The following ECHDC1 variants were observed in gnomAD, a reference collection of about 807,000 sequenced individuals.
The protein encoded by ECHDC1 is ethylmalonyl-CoA decarboxylase.
Under a neutral mutation model 29.7 loss-of-function variants are expected in ECHDC1, and 29 were observed. The observed-to-expected ratio is 0.98, with a 90% CI of 0.73 to 1.33. The LOEUF (loss-of-function observed/expected upper bound fraction) is 1.33, where lower values mean the gene tolerates loss of function less well. Ranked by LOEUF, ECHDC1 falls within the 40% of genes most tolerant of loss-of-function variation. The pLI, the probability that ECHDC1 is intolerant of heterozygous loss-of-function variation, is 0.00. For missense variants in ECHDC1, 328 were observed against 350.0 expected (o/e 0.94, Z 0.50); for synonymous variants, 126 against 123.1 (o/e 1.02, Z -0.15).
chr6:127,337,595 C>T (rs1281221254), intron 1 of ECHDC1, among the ~76,000 whole-genome samples: 1 of 152,186 alleles, frequency 6.6e-6, no homozygotes, highest in South Asian at 2.1e-4. Context: ...CCAAGTTGTA[C>T]CCCAGCCACC....
chr6:127,326,956 T>C (rs1319521584), intron 3 of ECHDC1, 46 bp downstream of exon 3: 1 of 1,578,530 alleles, frequency 6.3e-7, no homozygotes, highest in Non-Finnish European at 8.6e-7. Context: ...GCCATACATG[T>C]CTAATAAACA....
Position 127,290,110 on chromosome 6 carries a change from A to C in ECHDC1, c.665T>G (p.Met222Arg). ...LDSKNALNIG[M>R]VEEVLQSSDE... is the part of the protein sequence containing the mutation. ...TGAAGACTGCAAGACCTCTTCAACCATTCCTATGTTTAGAGCATTTTTTGA... is the reference window on the plus strand; with the variant it reads ...TGAAGACTGCAAGACCTCTTCAACCCTTCCTATGTTTAGAGCATTTTTTGA... The change falls in exon 6 of 6, where the codon ATG becomes AGG. Residue 222 changes from methionine to arginine, a missense_variant. Met to Arg is a moderately conservative substitution (Grantham distance 91, BLOSUM62 -1). Transcript: ENST00000454859. 1 of 1,613,660 alleles carries C rather than the reference A, an allele frequency of 6.2e-7. No homozygotes were observed. The highest frequency in any genetic ancestry group is 1.7e-5 in the Admixed American group (1 of 59,932).
At chr6:127,324,065 G>C (rs1783079811) in intron 3 of ECHDC1, among the ~76,000 whole-genome samples, 1 of 152,090 alleles carries the variant, frequency 6.6e-6, no homozygotes, top group African/African-American at 2.4e-5. Flanking sequence ...AATTCTTGCT[G>C]ATTTTTAATG....
intron 5 of ECHDC1, among the ~76,000 whole-genome samples, chr6:127,292,745 A>G (rs1780300649): frequency 6.6e-6 from 1 of 152,082 alleles, no homozygotes; most frequent in South Asian, 2.1e-4. Context: ...GATAGACCCT[A>G]CAGGATTATA....
intron 5 of ECHDC1, 37 bp from the exon 6 acceptor site, chr6:127,290,314 CTCTG>C: frequency 6.4e-7 from 1 of 1,571,194 alleles, no homozygotes. Flanking sequence ...TTGTAACTCT[CTCTG>C]TATGCTCTAA....
intron 5 of ECHDC1, among the ~76,000 whole-genome samples, chr6:127,300,125 T>C (rs547000111): frequency 6.6e-6 from 1 of 152,330 alleles, no homozygotes; most frequent in South Asian, 2.1e-4. Flanking sequence ...CATTAAGCAA[T>C]ACATGACTGT....
At chr6:127,315,027 C>T (rs940362527) in intron 4 of ECHDC1, 131 bp from the exon 5 acceptor site, 10 of 810,742 alleles carry the variant, frequency 1.2e-5, no homozygotes, top group Admixed American at 6.0e-5. Flanking sequence ...AACAAACACA[C>T]ATCAAAGGAT....
In ECHDC1 at chr6:127,316,442, T is replaced by A. The variant is rs1219929243; in HGVS notation, c.416+8A>T. 3 of 1,598,746 alleles carry A rather than the reference T, an allele frequency of 1.9e-6. No homozygotes were observed. The highest frequency in any genetic ancestry group is 2.6e-6 in the Non-Finnish European group (3 of 1,173,732). On this transcript the variant is annotated splice_region_variant and intron_variant, in intron 4 of 5. Transcript: ENST00000454859. ...AGAAATCATATTTTAAAAAGAAGGCTGCATTACCTCATAAATCTTGTTAAG... is the reference window on the plus strand; with the variant it reads ...AGAAATCATATTTTAAAAAGAAGGCAGCATTACCTCATAAATCTTGTTAAG...
At chr6:127,318,060 C>T (rs1241192757) in intron 3 of ECHDC1, 1 of 152,286 alleles carries the variant, frequency 6.6e-6, no homozygotes, top group East Asian at 1.9e-4. Flanking sequence ...GATAAACCTT[C>T]CTGTAGGATG....
chr6:127,313,072 G>A (rs189909342), intron 5 of ECHDC1: 1 of 152,268 alleles, frequency 6.6e-6, no homozygotes, highest in Admixed American at 6.5e-5. Flanking sequence ...ATAGATAGGG[G>A]TGATAAAAAT....
chr6:127,311,668 TCAAAAAAAA>T (rs1781920243), intron 5 of ECHDC1, among the ~76,000 whole-genome samples: 1 of 10,254 alleles, frequency 9.8e-5, no homozygotes, highest in South Asian at 4.2e-3. Flanking sequence ...AGGCTCTGTC[TCAAAAAAAA>T]AAAAAAAAAA....
At chr6:127,316,017 A>C in intron 4 of ECHDC1, 1 of 470,712 alleles carries the variant, frequency 2.1e-6, no homozygotes, top group Non-Finnish European at 4.4e-6. Context: ...AGCTGTAAAA[A>C]CTTTCCAATC....
intron 2 of ECHDC1, among the ~76,000 whole-genome samples, chr6:127,327,651 T>C (rs1783478274): frequency 6.6e-6 from 1 of 152,184 alleles, no homozygotes; most frequent in Non-Finnish European, 1.5e-5. Flanking sequence ...AGGATGTTAA[T>C]TGAGGAAATG....
chr6:127,335,007 G>A (rs1784308837), intron 1 of ECHDC1, among the ~76,000 whole-genome samples: 1 of 152,008 alleles, frequency 6.6e-6, no homozygotes, highest in Admixed American at 6.6e-5. Flanking sequence ...TAGTTAATGA[G>A]GGAGAATGTA....
chr6:127,312,231 G>A (rs1782003662), intron 5 of ECHDC1, among the ~76,000 whole-genome samples: 1 of 152,066 alleles, frequency 6.6e-6, no homozygotes, highest in African/African-American at 2.4e-5. Context: ...AACTCCTACA[G>A]TTTAATAATA....
In ECHDC1 at chr6:127,331,055, G is replaced by A. The variant is rs775592361; in HGVS notation, c.-2-25C>T. ...TCTGGAAAACAGAAATAAGTATGCG[G>A]TAGTATAGATGAATAGGCACTCACT... On this transcript the variant is annotated intron_variant, in intron 1 of 5. Coordinates refer to ENST00000454859, the MANE Select transcript of ECHDC1 (RefSeq NM_001002030.2). 133 of 1,581,446 alleles carry A rather than the reference G, an allele frequency of 8.4e-5. 2 individuals carry two copies. In the South Asian group the frequency reaches 1.4e-3, roughly 17 times the overall value.
chr6:127,326,209 T>C (rs1783317209), intron 3 of ECHDC1, among the ~76,000 whole-genome samples: 1 of 152,142 alleles, frequency 6.6e-6, no homozygotes, highest in African/African-American at 2.4e-5. Context: ...CCCTTGCTGT[T>C]CTTGTGATAG....
chr6:127,316,033 T>C (rs771346585), intron 4 of ECHDC1: 1 of 470,830 alleles, frequency 2.1e-6, no homozygotes, highest in South Asian at 1.5e-5. Context: ...CAATCCATAG[T>C]TCTTTTTCTC....
intron 3 of ECHDC1, among the ~76,000 whole-genome samples, chr6:127,320,693 A>AT (rs1782764260): frequency 6.6e-6 from 1 of 152,110 alleles, no homozygotes; most frequent in Admixed American, 6.5e-5. Context: ...ATTTAAATAT[A>AT]TTTTTTTCTA....
Sources: allele counts gnomAD v4.1 joint callset (sites outside exome capture counted in the v4.1 genomes callset), GRCh38; gene constraint gnomAD v4.1.1; transcripts MANE v1.5; gene names NCBI Gene and HGNC (gene_info 2026-07-23, HGNC 2026-07-21).